The following GRM4 variants were observed in gnomAD, a reference collection of about 807,000 sequenced individuals.
The protein encoded by GRM4 is metabotropic glutamate receptor 4.
GRM4 carries 28 observed loss-of-function variants against 81.7 expected under a neutral mutation model. That is an observed-to-expected ratio of 0.34 (90% CI 0.25 to 0.47). GRM4 has a LOEUF of 0.47. Among genes scored for constraint, GRM4 ranks in the 20% least tolerant of loss-of-function variants. The pLI, the probability that GRM4 is intolerant of heterozygous loss-of-function variation, is 1.00. For synonymous variants in GRM4, 488 were observed against 528.8 expected (o/e 0.92, Z 1.06); for missense variants, 948 against 1,290.0 (o/e 0.73, Z 4.06).
intron 6 of GRM4, among the ~76,000 whole-genome samples, chr6:34,046,793 C>T (rs1424263077): frequency 6.6e-6 from 1 of 152,226 alleles, no homozygotes; most frequent in Non-Finnish European, 1.5e-5. Context: ...AGATATAAAC[C>T]TGCATTTACA....
At chr6:34,049,230 G>GC (rs1278979898) in intron 6 of GRM4, among the ~76,000 whole-genome samples, 1 of 151,890 alleles carries the variant, frequency 6.6e-6, no homozygotes, top group East Asian at 1.9e-4. Context: ...GGTCACAATC[G>GC]CCCCCCAGGT....
Position 34,139,763 on chromosome 6 carries a change from G to A in GRM4, c.-363-5904C>T, listed in dbSNP as rs115934372. Among the ~76,000 whole-genome samples, 1,065 of 152,316 alleles carry A rather than the reference G, an allele frequency of 7.0e-3. 14 individuals carry two copies. The highest frequency in any genetic ancestry group is 0.024 in the African/African-American group (984 of 41,562). On this transcript the variant is annotated intron_variant, in intron 1 of 10. Coordinates refer to ENST00000538487, the MANE Select transcript of GRM4 (RefSeq NM_000841.4). Reference sequence around the variant, plus strand: ...ACAGGGGATCTGCAGCAGTGCGCCCGGTCCAGAGTGGCACTCGGACCTCGC... The same window carrying A: ...ACAGGGGATCTGCAGCAGTGCGCCCAGTCCAGAGTGGCACTCGGACCTCGC...
chr6:34,022,671 G>A lies in GRM4; in HGVS notation c.*150C>T, dbSNP rs1731262409. ...GTTTGCCCAGGCTGCCAGCAGTGATGGCTGGGGGCTCTGCTATCCTCAGCA... is the reference window on the plus strand; with the variant it reads ...GTTTGCCCAGGCTGCCAGCAGTGATAGCTGGGGGCTCTGCTATCCTCAGCA... On this transcript the variant is annotated 3_prime_UTR_variant, in exon 11 of 11. Transcript: ENST00000538487. This position sits in a 1 kb window ranked among gnomAD's most constrained non-coding sequence, Gnocchi z 5.6. 2.9e-6 allele frequency: 2 copies of A among 680,830 alleles called. No homozygotes were observed. Among genetic ancestry groups the A allele is most frequent in the Non-Finnish European group, 5.2e-6 (2 of 386,334 alleles). 42.2% of individuals were successfully genotyped at this position (680,830 alleles called of 1,614,324 possible).
At position 34,059,781 on chromosome 6, in the gene GRM4, C is replaced by T. The variant is rs1766088064; in HGVS notation, c.873-653G>A. ...ATGGTAATATAAATCAAACCAGGGA[C>T]CCAAGAGCCCAGCCCGGGGCTGAGG... On this transcript the variant is annotated intron_variant, in intron 4 of 10. Coordinates refer to ENST00000538487, the MANE Select transcript of GRM4 (RefSeq NM_000841.4). This position sits in a 1 kb window ranked among gnomAD's most constrained non-coding sequence, Gnocchi z 5.7. The T allele has an allele frequency of 6.6e-6, 1 of 152,410 alleles. No homozygotes were observed. Among genetic ancestry groups the T allele is most frequent in the Non-Finnish European group, 1.5e-5 (1 of 68,226 alleles). 9.4% of individuals were successfully genotyped at this position (152,410 alleles called of 1,614,324 possible).
intron 6 of GRM4, among the ~76,000 whole-genome samples, chr6:34,049,389 T>C (rs1765504965): frequency 6.6e-6 from 1 of 152,020 alleles, no homozygotes; most frequent in African/African-American, 2.4e-5. Context: ...CTGCCCCTTC[T>C]CAGCTTCCAT....
exon 1 of GRM4, chr6:34,155,079 C>T: frequency 6.6e-7 from 1 of 1,514,880 alleles, no homozygotes; most frequent in East Asian, 2.5e-5. Flanking sequence ...TGTTTTTCAC[C>T]TGAGCAGATT....
chr6:34,110,882 T>G (rs1769347461), intron 2 of GRM4: 1 of 1,298,568 alleles, frequency 7.7e-7, no homozygotes, highest in Non-Finnish European at 9.8e-7. Flanking sequence ...TAGCAGGAAG[T>G]TCCCCCCAGG....
chr6:34,070,792 CCACACACACACA>C lies in GRM4; in HGVS notation c.737-8776_737-8765del, dbSNP rs34256571. On this transcript the variant is annotated intron_variant, in intron 3 of 10. Coordinates refer to ENST00000538487, the MANE Select transcript of GRM4 (RefSeq NM_000841.4). This position sits in a 1 kb window ranked among gnomAD's most constrained non-coding sequence, Gnocchi z 4.6. ...CACCACACCCCCGCCACACCCCCAG[CCACACACACACA>C]CACACACACACACACGGCAATGCAC... 0.089 allele frequency among the ~76,000 whole-genome samples: 12,042 copies of C among 135,456 alleles called. 1,155 individuals are homozygous for C. The highest frequency in any genetic ancestry group is 0.25 in the African/African-American group (8,848 of 35,554). The allele number at this position is 135,456 out of a possible 152,430, so 88.9% of individuals were successfully genotyped here. A position where few individuals can be genotyped will look rare whatever the true frequency, so the allele number is the denominator to read the frequency against.
upstream of GRM4, among the ~76,000 whole-genome samples, chr6:34,149,063 C>T (rs1770996296): frequency 1.3e-5 from 2 of 152,188 alleles, no homozygotes; most frequent in South Asian, 4.1e-4. Context: ...GAGGTCTGAC[C>T]TAACTCCCTC....
intron 2 of GRM4, among the ~76,000 whole-genome samples, chr6:34,098,443 A>G (rs1354494450): frequency 6.6e-6 from 1 of 152,130 alleles, no homozygotes; most frequent in Non-Finnish European, 1.5e-5. Flanking sequence ...CCCATGGGCC[A>G]GGCCAGGCCA....
rs3103431 is a variant in GRM4, at chr6:34,074,003, A to C, written c.737-11975T>G. Among the ~76,000 whole-genome samples the C allele has an allele frequency of 0.082, 12,477 of 152,182 alleles. 1,092 individuals carry two copies. The highest frequency in any genetic ancestry group is 0.21 in the African/African-American group (8,737 of 41,466). On this transcript the variant is annotated intron_variant, in intron 3 of 10. Transcript: ENST00000538487. This position sits in a 1 kb window ranked among gnomAD's most constrained non-coding sequence, Gnocchi z 4.9. The stretch of plus-strand genomic sequence containing the variant: ...ATTCATGGAGCGGCTCTGTGGCCAG[A>C]ACATTAAGGCAAAGCCCTCCTCTTG...
At chr6:34,102,291 C>T (rs1259723464) in intron 2 of GRM4, 1 of 699,952 alleles carries the variant, frequency 1.4e-6, no homozygotes, top group South Asian at 1.9e-5. Flanking sequence ...GTCAGAATTA[C>T]ACTTGGCATT....
At chr6:34,150,568 G>A (rs1461599560), upstream of GRM4, among the ~76,000 whole-genome samples, 3 of 152,044 alleles carry the variant, frequency 2.0e-5, no homozygotes, top group African/African-American at 7.2e-5. Context: ...CTTTCCAATT[G>A]TCTGCTCCAG....
rs1051664114 is a variant in GRM4, at chr6:34,089,609, G to C, written c.736+2274C>G. ...GGGTGTGGCAGGTATTGTGAGGGGC[G>C]CCTCTGCCAGGACAGGAGTGCCCCG... On this transcript the variant is annotated intron_variant, in intron 3 of 10. Transcript: ENST00000538487. The surrounding 1 kb of genome is among the most constrained non-coding windows in gnomAD (Gnocchi z 4.3). Among the ~76,000 whole-genome samples the C allele has an allele frequency of 6.6e-6, 1 of 152,040 alleles. No individual in the cohort carries two copies. Among genetic ancestry groups the C allele is most frequent in the African/African-American group, 2.4e-5 (1 of 41,394 alleles).
chr6:34,065,057 G>A lies in GRM4; in HGVS notation c.737-3029C>T, dbSNP rs1032036963. Among the ~76,000 whole-genome samples, 119 of 152,258 alleles carry A rather than the reference G, an allele frequency of 7.8e-4. 1 individual carries two copies. Among genetic ancestry groups the A allele is most frequent in the African/African-American group, 2.6e-3 (108 of 41,542 alleles). ...CTCCGCAGCAGCCACTGAGAATAAA[G>A]GGGCAGTGTTTCATGTGCCGGAGCC... On this transcript the variant is annotated intron_variant, in intron 3 of 10. Transcript: ENST00000538487.
rs575684013 is a variant in GRM4 at position 34,117,916 on chromosome 6, T to C, written c.519+15062A>G. ...CATCCAACCAGCCACCAGCGAGACA[T>C]AGTATATGAAAGATGCGAGGGCCCC... On this transcript the variant is annotated intron_variant, in intron 2 of 10. Coordinates refer to ENST00000538487, the MANE Select transcript of GRM4 (RefSeq NM_000841.4). 1.6e-3 allele frequency among the ~76,000 whole-genome samples: 243 copies of C among 152,006 alleles called. 1 individual carries two copies. Among genetic ancestry groups the C allele is most frequent in the African/African-American group, 5.6e-3 (231 of 41,490 alleles).
rs1400956165 is a variant in GRM4, at chr6:34,137,789, A to T, written c.-363-3930T>A. ...TTTTTTTTTGCAGAGATGACATCTC[A>T]CTATGTCGCTTGCCCAGGCTGGTCT... On this transcript the variant is annotated intron_variant, in intron 1 of 10. Coordinates refer to ENST00000538487, the MANE Select transcript of GRM4 (RefSeq NM_000841.4). 2.3e-5 allele frequency among the ~76,000 whole-genome samples: 3 copies of T among 131,626 alleles called. No homozygotes were observed. In the Admixed American group the frequency reaches 2.7e-4, roughly 12 times the overall value. 86.4% of individuals were successfully genotyped at this position (131,626 alleles called of 152,430 possible). A position where few individuals can be genotyped will look rare whatever the true frequency, so the allele number is the denominator to read the frequency against.
At chr6:34,147,784 GT>G (rs201728464), upstream of GRM4, among the ~76,000 whole-genome samples, 347 of 152,258 alleles carry the variant, frequency 2.3e-3, 1 homozygote, top group East Asian at 0.018. Flanking sequence ...CTTACAAGGT[GT>G]TCATAAAAAC....
intron 4 of GRM4, 73 bp downstream of exon 4, chr6:34,061,820 G>A: frequency 6.7e-7 from 1 of 1,502,746 alleles, no homozygotes. Flanking sequence ...AAGGTCTCCA[G>A]CAGGACAGGA....
Sources: allele counts gnomAD v4.1 joint callset (sites outside exome capture counted in the v4.1 genomes callset), GRCh38; gene constraint gnomAD v4.1.1; non-coding constraint Gnocchi (gnomAD v3.1); transcripts MANE v1.5; gene names NCBI Gene and HGNC (gene_info 2026-07-23, HGNC 2026-07-21).